LRP1: variants seen among roughly 807,000 people sequenced by gnomAD.
The protein encoded by LRP1 is prolow-density lipoprotein receptor-related protein 1.
A neutral mutation model predicts 541.5 loss-of-function variants in LRP1; 51 were observed. That is an observed-to-expected ratio of 0.09 (90% CI 0.08 to 0.12). LRP1 has a LOEUF of 0.12. Among genes scored for constraint, LRP1 ranks in the 10% least tolerant of loss-of-function variants. LRP1 has a pLI of 1.00. For synonymous variants in LRP1, 2,219 were observed against 2,470.8 expected, an observed-to-expected ratio of 0.90 and a Z score of 3.02; for missense variants, 3,878 against 6,376.2, an observed-to-expected ratio of 0.61 and a Z score of 13.34.
chr12:57,186,476 C>T (rs956367351), intron 41 of LRP1, among the ~76,000 whole-genome samples: 5 of 152,214 alleles, frequency 3.3e-5, no homozygotes, highest in African/African-American at 1.2e-4. Flanking sequence ...GGTCCCTTGA[C>T]TCATTCATTT....
intron 1 of LRP1, among the ~76,000 whole-genome samples, chr12:57,131,180 AC>A (rs2035031316): frequency 6.6e-6 from 1 of 152,060 alleles, no homozygotes; most frequent in Non-Finnish European, 1.5e-5. Flanking sequence ...TCCTGCTATC[AC>A]AGCCTTGCTG....
rs1197409125 is a variant in LRP1 at position 57,183,405 on chromosome 12, G to C, written c.5689G>C (p.Val1897Leu). ...CGTAGGTTCCTTTCTCCTGTACTCT[G>C]TGCATGAGGGAATCAGGGGAATTCC... The part of the protein sequence containing the change: ...EGVGSFLLYS[V>L]HEGIRGIPLD... The change falls in exon 35 of 89, where the codon GTG (valine) becomes CTG (leucine). Residue 1897 changes from valine to leucine, a missense_variant. Val to Leu is a conservative substitution (Grantham distance 32, BLOSUM62 1). Around this residue, in one of 13 missense-constraint regions of LRP1, gnomAD observed 394 missense variants for 635.9 expected, o/e 0.62. Coordinates refer to ENST00000243077, the MANE Select transcript of LRP1 (RefSeq NM_002332.3). This position sits in a 1 kb window ranked among gnomAD's most constrained non-coding sequence, Gnocchi z 6.1. 6.2e-7 allele frequency: 1 copy of C among 1,613,832 alleles called. No homozygotes were observed. Among genetic ancestry groups the C allele is most frequent in the East Asian group, 2.2e-5 (1 of 44,888 alleles).
At position 57,179,197 on chromosome 12, in the gene LRP1, C is replaced by T; in HGVS notation, c.4739-132C>T. ...GCAGGTCTGCCAGGGGGGCTGCACC[C>T]AGCGGGGTATGTCCACGGAGCCAAG... On this transcript the variant is annotated intron_variant, in intron 28 of 88. Transcript: ENST00000243077. The surrounding 1 kb of genome is among the most constrained non-coding windows in gnomAD (Gnocchi z 6.8). The T allele has an allele frequency of 8.5e-7, 1 of 1,173,352 alleles. No homozygotes were observed. Among genetic ancestry groups the T allele is most frequent in the Non-Finnish European group, 1.2e-6 (1 of 826,730 alleles). 72.7% of individuals were successfully genotyped at this position (1,173,352 alleles called of 1,614,324 possible).
chr12:57,134,421 C>T (rs964303031), intron 1 of LRP1, among the ~76,000 whole-genome samples: 1 of 152,172 alleles, frequency 6.6e-6, no homozygotes, highest in Non-Finnish European at 1.5e-5. Context: ...ACAGCGTTCT[C>T]CCTGCAATTT....
intron 68 of LRP1, chr12:57,202,977 A>T: frequency 1.7e-6 from 1 of 577,778 alleles, no homozygotes; most frequent in East Asian, 2.8e-5. Flanking sequence ...TGTCTGTCCC[A>T]TGGGGTAAGT....
intron 42 of LRP1, among the ~76,000 whole-genome samples, chr12:57,188,289 G>A (rs1014066357): frequency 3.3e-5 from 5 of 152,206 alleles, no homozygotes; most frequent in Admixed American, 2.0e-4. Context: ...AGGCCCACAT[G>A]TTAGCAACAT....
intron 6 of LRP1, among the ~76,000 whole-genome samples, chr12:57,148,739 G>A (rs890295436): frequency 1.8e-4 from 28 of 152,166 alleles, no homozygotes; most frequent in East Asian, 9.6e-4. Flanking sequence ...GAAGGAAATC[G>A]GGTTTGCTGA....
rs35827450 is a variant in LRP1 at position 57,212,638 on chromosome 12, C to T, written c.*83C>T. 1.7e-3 allele frequency: 2,356 copies of T among 1,363,144 alleles called. 34 individuals are homozygous for T. The African/African-American group carries it at 0.03, about 17-fold the overall frequency. The allele number at this position is 1,363,144 out of a possible 1,614,324, so 84.4% of individuals were successfully genotyped here. ...TTCAGTGAGCCCCTCCCCAGCCAGC[C>T]CTTCCCTGGCCCCGCCGGATGTATA... On this transcript the variant is annotated 3_prime_UTR_variant, in exon 89 of 89. Transcript: ENST00000243077. The surrounding 1 kb of genome is among the most constrained non-coding windows in gnomAD (Gnocchi z 5.0).
intron 3 of LRP1, among the ~76,000 whole-genome samples, chr12:57,143,410 C>T (rs1203486994): frequency 1.3e-5 from 2 of 152,228 alleles, no homozygotes; most frequent in Admixed American, 1.3e-4. Context: ...TCCATGGGGA[C>T]AGAGGTAGCC....
chr12:57,148,958 CT>C, intron 6 of LRP1: 1 of 605,474 alleles, frequency 1.7e-6, no homozygotes, highest in South Asian at 1.9e-5. Context: ...CTCTCCCTTT[CT>C]TTTATTTATT....
rs373637841 is a variant in LRP1, at chr12:57,198,347, T to C, written c.9470+4T>C. On this transcript the variant is annotated splice_donor_region_variant and intron_variant, in intron 59 of 88. Coordinates refer to ENST00000243077, the MANE Select transcript of LRP1 (RefSeq NM_002332.3). ...TGGTGGTGGATGTGCAGAATGGGTA[T>C]GTGGCTGAGGAGGGTTGGGGGAGCC... 1.7e-5 allele frequency: 28 copies of C among 1,612,008 alleles called. No homozygotes were observed. The highest frequency in any genetic ancestry group is 1.7e-4 in the Middle Eastern group (1 of 6,052).
rs771090395 is a variant in LRP1 at position 57,205,171 on chromosome 12, C to T, written c.11257C>T (p.Arg3753Cys). Residue 3753 changes from arginine to cysteine, a missense_variant, in exon 73 of 89, where the codon CGC (arginine) becomes TGC (cysteine). This residue lies in a region of LRP1 where 871 missense variants were observed against 1,212.4 expected (regional missense o/e 0.72). Coordinates refer to ENST00000243077, the MANE Select transcript of LRP1 (RefSeq NM_002332.3). This position sits in a 1 kb window ranked among gnomAD's most constrained non-coding sequence, Gnocchi z 4.6. ...DKKEFLCRNQRCLSSSLRCNM... is the reference protein window; with the variant it reads ...DKKEFLCRNQCCLSSSLRCNM... ...GAAGGAGTTTCTGTGCCGGAACCAG[C>T]GCTGCCTCTCCTCCTCCCTGCGCTG... 14 of 1,613,998 alleles carry T rather than the reference C, an allele frequency of 8.7e-6. No individual in the cohort carries two copies. The highest frequency in any genetic ancestry group is 6.7e-5 in the Admixed American group (4 of 60,020).
At chr12:57,191,577 A>C (rs895921531) in intron 44 of LRP1, 65 bp downstream of exon 44, 3 of 1,418,774 alleles carry the variant, frequency 2.1e-6, no homozygotes, top group South Asian at 2.6e-5. Flanking sequence ...ACAAACACAC[A>C]CCCCACACAC....
intron 55 of LRP1, 64 bp downstream of exon 55, chr12:57,196,341 G>A (rs2036534479): frequency 2.2e-6 from 3 of 1,383,236 alleles, no homozygotes; most frequent in Admixed American, 5.1e-5. Flanking sequence ...TTTCTCCACT[G>A]CCTTATTCAT....
In LRP1 at chr12:57,158,079, T is replaced by C. The variant is rs1323994960; in HGVS notation, c.1562-323T>C. Among the ~76,000 whole-genome samples the C allele has an allele frequency of 6.6e-6, 1 of 152,188 alleles. No homozygotes were observed. Among genetic ancestry groups the C allele is most frequent in the Non-Finnish European group, 1.5e-5 (1 of 68,038 alleles). On this transcript the variant is annotated intron_variant, in intron 10 of 88. Coordinates refer to ENST00000243077, the MANE Select transcript of LRP1 (RefSeq NM_002332.3). The surrounding 1 kb of genome is among the most constrained non-coding windows in gnomAD (Gnocchi z 5.3). ...CAGCAGAGGAAGTGGTAAACAGTGA[T>C]GTGACTCCAACATATTTTGAAGGTA... is the stretch of plus-strand genomic sequence containing the variant.
At chr12:57,194,098 C>T in intron 48 of LRP1, 86 bp downstream of exon 48, 3 of 1,238,680 alleles carry the variant, frequency 2.4e-6, no homozygotes, top group Non-Finnish European at 1.2e-6. Context: ...TGCACCTGCC[C>T]ACATTCCTCT....
Position 57,200,826 on chromosome 12 carries a change from G to GGGGGGGGGGCCC in LRP1, c.10225+11_10225+12insGGGGGGGGGCCC. On this transcript the variant is annotated intron_variant, in intron 64 of 88. Transcript: ENST00000243077. The stretch of plus-strand genomic sequence containing the variant: ...ACGAGGCCAACTGTGGTAAGGCGCT[G>GGGGGGGGGGCCC]CCCGCCCACCCTCCCTCCTTCCCCA... The GGGGGGGGGGCCC allele has an allele frequency of 6.3e-7, 1 of 1,581,430 alleles. No homozygotes were observed. Among genetic ancestry groups the GGGGGGGGGGCCC allele is most frequent in the Non-Finnish European group, 8.6e-7 (1 of 1,157,674 alleles).
At chr12:57,187,158 A>G in intron 41 of LRP1, 109 bp from the exon 42 acceptor site, 1 of 1,141,394 alleles carries the variant, frequency 8.8e-7, no homozygotes, top group Non-Finnish European at 1.2e-6. Context: ...CATACCCCAC[A>G]CTTCGCCTTC....
chr12:57,199,082 C>T (rs1187716395), intron 60 of LRP1, 130 bp from the exon 61 acceptor site: 6 of 838,398 alleles, frequency 7.2e-6, no homozygotes, highest in Non-Finnish European at 7.9e-6. Context: ...GGGTCTGTAC[C>T]ATGAACCATC....
Sources: allele counts gnomAD v4.1 joint callset (sites outside exome capture counted in the v4.1 genomes callset), GRCh38; gene constraint gnomAD v4.1.1; regional missense constraint gnomAD v4.1.1; non-coding constraint Gnocchi (gnomAD v3.1); transcripts MANE v1.5; gene names NCBI Gene and HGNC (gene_info 2026-07-23, HGNC 2026-07-21).